IMPG1: variants seen among roughly 807,000 people sequenced by gnomAD.
IMPG1 encodes the protein interphotoreceptor matrix proteoglycan of 150 kDa.
IMPG1 carries 85 observed loss-of-function variants against 92.0 expected under a neutral mutation model. The observed-to-expected ratio is 0.92, with a 90% CI of 0.78 to 1.11. IMPG1 has a LOEUF of 1.11. Among genes scored for constraint, IMPG1 ranks in the 50% least tolerant of loss-of-function variants. The probability of loss-of-function intolerance (pLI) is 0.00; values close to 1 mark genes in which losing one functional copy is unlikely to be tolerated. For synonymous variants in IMPG1, 367 were observed against 334.1 expected, an observed-to-expected ratio of 1.10 and a Z score of -1.08; for missense variants, 1,022 against 956.0, an observed-to-expected ratio of 1.07 and a Z score of -0.91.
chr6:76,020,648 C>T (rs1582109383), intron 6 of IMPG1, among the ~76,000 whole-genome samples: 1 of 152,114 alleles, frequency 6.6e-6, no homozygotes, highest in Admixed American at 6.5e-5. Flanking sequence ...ATACTACTGC[C>T]TCCTTTGGGG....
At chr6:76,056,460 A>G (rs1194346035) in intron 1 of IMPG1, among the ~76,000 whole-genome samples, 1 of 152,200 alleles carries the variant, frequency 6.6e-6, no homozygotes, top group Non-Finnish European at 1.5e-5. Context: ...AGTTGTTCCC[A>G]TGTCTTGGCT....
chr6:75,993,663 T>G (rs1295041044), intron 12 of IMPG1, among the ~76,000 whole-genome samples: 2 of 152,232 alleles, frequency 1.3e-5, no homozygotes, highest in Non-Finnish European at 2.9e-5. Context: ...ATTTAGGTCT[T>G]TCTTCCTTAA....
intron 12 of IMPG1, among the ~76,000 whole-genome samples, chr6:75,991,865 A>G (rs1782818441): frequency 1.3e-5 from 2 of 152,224 alleles, no homozygotes; most frequent in South Asian, 4.1e-4. Flanking sequence ...TGGTACTGAC[A>G]TAACGTATAA....
chr6:76,026,345 G>A (rs1396820731), intron 4 of IMPG1, among the ~76,000 whole-genome samples: 1 of 152,188 alleles, frequency 6.6e-6, no homozygotes, highest in African/African-American at 2.4e-5. Context: ...GTGAAATGGG[G>A]ACTCAAATCC....
rs755079288 is a variant in IMPG1 at position 75,973,292 on chromosome 6, T to C, written c.1292-22198A>G. 8.6e-5 allele frequency among the ~76,000 whole-genome samples: 13 copies of C among 151,020 alleles called. No individual in the cohort carries two copies. In the East Asian group the frequency reaches 1.4e-3, roughly 16 times the overall value. On this transcript the variant is annotated intron_variant, in intron 12 of 16. Coordinates refer to ENST00000369950, the MANE Select transcript of IMPG1 (RefSeq NM_001563.4). The stretch of plus-strand genomic sequence containing the variant: ...ACTGTGCCTGGCTGCAATCCTACTT[T>C]CCCCCCCGCCCAAAACTGATCTTTC...
chr6:75,933,456 G>A (rs1582050618), intron 14 of IMPG1, among the ~76,000 whole-genome samples: 1 of 152,270 alleles, frequency 6.6e-6, no homozygotes, highest in East Asian at 1.9e-4. Flanking sequence ...TACTATAATT[G>A]CTTGCTGGCA....
At chr6:75,981,384 G>T (rs775114903) in intron 12 of IMPG1, among the ~76,000 whole-genome samples, 35 of 152,134 alleles carry the variant, frequency 2.3e-4, no homozygotes, top group African/African-American at 6.0e-4. Flanking sequence ...CTTTAGAGGC[G>T]TTCTTCCATT....
intron 12 of IMPG1, among the ~76,000 whole-genome samples, chr6:75,951,404 C>T (rs760993106): frequency 6.6e-5 from 10 of 152,048 alleles, no homozygotes; most frequent in South Asian, 2.1e-4. Context: ...TAGTCAGACA[C>T]GATACACTTG....
At position 76,012,525 on chromosome 6, in the gene IMPG1, G is replaced by A. The variant is rs143032735; in HGVS notation, c.808-1301C>T. On this transcript the variant is annotated intron_variant, in intron 7 of 16. Coordinates refer to ENST00000369950, the MANE Select transcript of IMPG1 (RefSeq NM_001563.4). ...TGCTGTGCTAGGCTCTGGGGACACC[G>A]TCACATGGACAAGTACTGCCCCATC... 4.9e-3 allele frequency among the ~76,000 whole-genome samples: 749 copies of A among 152,316 alleles called. 2 individuals carry two copies. The highest frequency in any genetic ancestry group is 8.7e-3 in the Non-Finnish European group (594 of 68,024).
chr6:75,970,426 G>C (rs916312399), intron 12 of IMPG1, among the ~76,000 whole-genome samples: 1 of 151,422 alleles, frequency 6.6e-6, no homozygotes, highest in Admixed American at 6.6e-5. Flanking sequence ...CTAAACAAAC[G>C]TGCTGAATCT....
At chr6:75,942,927 T>C (rs1042740726) in intron 14 of IMPG1, among the ~76,000 whole-genome samples, 1 of 152,260 alleles carries the variant, frequency 6.6e-6, no homozygotes, top group Non-Finnish European at 1.5e-5. Context: ...TTTCTGTAAC[T>C]GTACAGGCTT....
intron 13 of IMPG1, among the ~76,000 whole-genome samples, chr6:75,948,098 C>A (rs1781958388): frequency 6.6e-6 from 1 of 152,166 alleles, no homozygotes; most frequent in African/African-American, 2.4e-5. Flanking sequence ...GGGTGCCAGT[C>A]CTAGAACTGT....
At chr6:76,031,399 C>G (rs558312434) in intron 4 of IMPG1, among the ~76,000 whole-genome samples, 2 of 152,186 alleles carry the variant, frequency 1.3e-5, no homozygotes, top group South Asian at 4.1e-4. Flanking sequence ...TCTGCCACAC[C>G]CAATTCTGCC....
At chr6:75,997,047 C>T (rs1423042885) in intron 12 of IMPG1, among the ~76,000 whole-genome samples, 2 of 152,184 alleles carry the variant, frequency 1.3e-5, no homozygotes, top group Non-Finnish European at 2.9e-5. Context: ...AGTCACCTGA[C>T]ATTTCTAGGC....
intron 12 of IMPG1, among the ~76,000 whole-genome samples, chr6:75,995,473 C>A (rs1302142063): frequency 6.6e-6 from 1 of 152,194 alleles, no homozygotes; most frequent in Non-Finnish European, 1.5e-5. Context: ...CCACTGCCAG[C>A]TTCAGCTACT....
At chr6:75,924,399 AAATTATATAT>A (rs1235442572) in intron 15 of IMPG1, among the ~76,000 whole-genome samples, 1 of 121,520 alleles carries the variant, frequency 8.2e-6, no homozygotes, top group Non-Finnish European at 1.6e-5. Flanking sequence ...CATATATAAA[AAATTATATAT>A]AATTATATAT....
At chr6:76,051,502 C>T (rs558784592) in intron 1 of IMPG1, among the ~76,000 whole-genome samples, 1 of 152,264 alleles carries the variant, frequency 6.6e-6, no homozygotes, top group South Asian at 2.1e-4. Context: ...AATGCCAGCC[C>T]CAATCTGTGG....
chr6:76,022,247 C>T (rs1187749596), intron 5 of IMPG1, 28 bp from the exon 6 acceptor site: 4 of 1,300,876 alleles, frequency 3.1e-6, no homozygotes, highest in Non-Finnish European at 4.4e-6. Context: ...ATTAAAGACA[C>T]AAAAATGAGA....
At chr6:76,004,073 C>A in intron 10 of IMPG1, 123 bp from the exon 11 acceptor site, 1 of 654,946 alleles carries the variant, frequency 1.5e-6, no homozygotes, top group Non-Finnish European at 2.6e-6. Flanking sequence ...TACAACAAAT[C>A]ATTAGGAAAC....
Sources: gnomAD v4.1 joint callset for allele counts (sites outside exome capture counted in the v4.1 genomes callset) on GRCh38, gnomAD v4.1.1 for gene constraint, MANE v1.5 for transcripts, NCBI Gene and HGNC (gene_info 2026-07-23, HGNC 2026-07-21) for gene names.